AOPEP: variants seen among roughly 807,000 people sequenced by gnomAD.
AOPEP encodes the protein aminopeptidase O (putative).
AOPEP carries 77 observed loss-of-function variants against 98.1 expected under a neutral mutation model. That is an observed-to-expected ratio of 0.78 (90% CI 0.65 to 0.95). The LOEUF (loss-of-function observed/expected upper bound fraction) is 0.95. AOPEP is among the 40% of genes least tolerant of loss of function. AOPEP has a pLI of 0.00. For missense variants in AOPEP, 1,024 were observed against 1,024.7 expected (o/e 1.00, Z 0.01); for synonymous variants, 346 against 365.3 (o/e 0.95, Z 0.60).
intron 13 of AOPEP, among the ~76,000 whole-genome samples, chr9:95,052,487 C>G (rs1390629036): frequency 1.3e-5 from 2 of 152,056 alleles, no homozygotes; most frequent in Non-Finnish European, 2.9e-5. Flanking sequence ...GAGGAAAAAC[C>G]ATATTATCAC....
At chr9:95,147,464 C>T in the AOPEP span, among the ~76,000 whole-genome samples, 2 of 152,072 alleles carry the variant, frequency 1.3e-5, no homozygotes, top group Non-Finnish European at 2.9e-5. Context: ...TGCGGTGAGC[C>T]GAGATTGCAC....
chr9:94,841,123 A>G (rs2042213066), intron 5 of AOPEP, among the ~76,000 whole-genome samples: 1 of 151,558 alleles, frequency 6.6e-6, no homozygotes. Context: ...CAAGCACTGA[A>G]TGACATAAAT....
intron 2 of AOPEP, among the ~76,000 whole-genome samples, chr9:94,764,736 G>T (rs553256276): frequency 1.3e-5 from 2 of 152,284 alleles, no homozygotes; most frequent in South Asian, 4.2e-4. Context: ...AAAGCTGAAT[G>T]AAGTGTGTAA....
intron 1 of AOPEP, among the ~76,000 whole-genome samples, chr9:94,744,701 C>CAAAAAAAA (rs757571360): frequency 3.6e-5 from 2 of 56,058 alleles, no homozygotes; most frequent in Non-Finnish European, 7.8e-5. Context: ...GACTCTGTCT[C>CAAAAAAAA]AAAAAAAAAA....
intron 13 of AOPEP, among the ~76,000 whole-genome samples, chr9:95,027,394 A>G (rs183341422): frequency 6.6e-6 from 1 of 152,294 alleles, no homozygotes; most frequent in Admixed American, 6.5e-5. Flanking sequence ...CCATTTAATT[A>G]TGTTTTTTTC....
At chr9:94,810,148 CAGA>C (rs1850191413) in intron 5 of AOPEP, 1 of 154,800 alleles carries the variant, frequency 6.5e-6, no homozygotes, top group Admixed American at 6.5e-5. Context: ...TTCTGTTGCT[CAGA>C]AGGAGGCCGT....
intron 13 of AOPEP, among the ~76,000 whole-genome samples, chr9:95,008,220 G>C (rs1391389071): frequency 2.6e-5 from 4 of 152,084 alleles, no homozygotes; most frequent in Admixed American, 2.6e-4. Flanking sequence ...AGCCCCGAAG[G>C]GTCTGTCTAC....
chr9:94,979,478 G>A, intron 11 of AOPEP, 51 bp downstream of exon 11: 1 of 1,150,564 alleles, frequency 8.7e-7, no homozygotes, highest in African/African-American at 1.5e-5. Flanking sequence ...AGTAAAGCTT[G>A]CTGCTTAGCA....
rs570962900 is a variant in AOPEP at position 94,757,582 on chromosome 9, A to G, written c.-135-2067A>G. ...TCTGTAGAATATATTTTATGCCTAA[A>G]TTATACAGATTTTTAGAAGTGAATT... On this transcript the variant is annotated intron_variant, in intron 1 of 16. Coordinates refer to ENST00000375315, the MANE Select transcript of AOPEP (RefSeq NM_001193329.3). 3.3e-5 allele frequency among the ~76,000 whole-genome samples: 5 copies of G among 152,344 alleles called. No individual in the cohort carries two copies. The East Asian group carries it at 9.7e-4, about 29-fold the overall frequency.
the AOPEP span, chr9:95,124,008 G>C: frequency 1.2e-5 from 4 of 322,628 alleles, no homozygotes; most frequent in Non-Finnish European, 2.4e-5. Context: ...AGGGGCTGAA[G>C]TGTGAGGATC....
intron 5 of AOPEP, among the ~76,000 whole-genome samples, chr9:94,816,123 T>A (rs1195932701): frequency 1.3e-5 from 2 of 152,160 alleles, no homozygotes; most frequent in Admixed American, 6.5e-5. Context: ...TTCACAGCCT[T>A]AGTGTACATT....
At chr9:95,149,732 G>T in the AOPEP span, among the ~76,000 whole-genome samples, 1 of 152,106 alleles carries the variant, frequency 6.6e-6, no homozygotes, top group Non-Finnish European at 1.5e-5. Context: ...ACCCGCCTTG[G>T]CCTCCCAAAG....
At chr9:95,009,838 G>C (rs1474775078) in intron 13 of AOPEP, among the ~76,000 whole-genome samples, 1 of 151,428 alleles carries the variant, frequency 6.6e-6, no homozygotes, top group Non-Finnish European at 1.5e-5. Flanking sequence ...GAAACATAAA[G>C]ATCTAGAAGG....
chr9:95,049,562 G>A (rs564180321), intron 13 of AOPEP, among the ~76,000 whole-genome samples: 12 of 152,236 alleles, frequency 7.9e-5, no homozygotes, highest in Admixed American at 5.9e-4. Flanking sequence ...GTAACTTCGG[G>A]AAGTTATAGG....
the AOPEP span, among the ~76,000 whole-genome samples, chr9:95,141,985 G>GTTTTTTT: frequency 5.1e-4 from 42 of 83,158 alleles, no homozygotes; most frequent in East Asian, 8.2e-4. Flanking sequence ...AGTTTGTGGG[G>GTTTTTTT]TTTTTTTTTT....
At chr9:94,849,970 G>A (rs1273145970) in intron 5 of AOPEP, among the ~76,000 whole-genome samples, 2 of 151,334 alleles carry the variant, frequency 1.3e-5, no homozygotes, top group African/African-American at 4.9e-5. Flanking sequence ...GGGAGATGGA[G>A]GTTACAGTGA....
the AOPEP span, chr9:95,135,585 C>G: frequency 8.5e-7 from 1 of 1,177,136 alleles, no homozygotes; most frequent in Non-Finnish European, 1.2e-6. Context: ...AATGCAATCA[C>G]TAATCCAATT....
intron 13 of AOPEP, among the ~76,000 whole-genome samples, chr9:95,031,748 G>A (rs762255399): frequency 4.6e-5 from 7 of 152,204 alleles, no homozygotes; most frequent in Non-Finnish European, 1.0e-4. Context: ...CTAAGCTGCT[G>A]CTGGATCATG....
the AOPEP span, chr9:95,101,579 T>C: frequency 1.8e-6 from 2 of 1,132,964 alleles, no homozygotes; most frequent in Non-Finnish European, 1.3e-6. Flanking sequence ...CCAAGATGTG[T>C]ACAGCTCATT....
Sources: allele counts gnomAD v4.1 joint callset (sites outside exome capture counted in the v4.1 genomes callset), GRCh38; gene constraint gnomAD v4.1.1; transcripts MANE v1.5; gene names NCBI Gene and HGNC (gene_info 2026-07-23, HGNC 2026-07-21).